TIAM1: variants seen among roughly 807,000 people sequenced by gnomAD.
TIAM1 encodes rho guanine nucleotide exchange factor TIAM1.
In TIAM1, 65 loss-of-function variants were observed where a neutral mutation model predicts 163.5. That is an observed-to-expected ratio of 0.40 (90% CI 0.33 to 0.49). TIAM1 has a LOEUF of 0.49. TIAM1 is among the 20% of genes least tolerant of loss of function. TIAM1 has a pLI of 0.77. For missense variants in TIAM1, 1,789 were observed against 2,044.7 expected (o/e 0.87, Z 2.41); for synonymous variants, 833 against 810.1 (o/e 1.03, Z -0.48).
At chr21:31,165,647 C>T (rs1021073651) in intron 15 of TIAM1, among the ~76,000 whole-genome samples, 2 of 151,910 alleles carry the variant, frequency 1.3e-5, no homozygotes, top group African/African-American at 4.8e-5. Context: ...TTTGTTACAA[C>T]AGCCTAAGTT....
intron 2 of TIAM1, among the ~76,000 whole-genome samples, chr21:31,329,946 C>A (rs1017202748): frequency 6.6e-6 from 1 of 152,178 alleles, no homozygotes; most frequent in South Asian, 2.1e-4. Context: ...TTCCCATATA[C>A]CTCCTGCCCC....
At chr21:31,483,405 C>T (rs2046177095) in intron 1 of TIAM1, among the ~76,000 whole-genome samples, 1 of 152,152 alleles carries the variant, frequency 6.6e-6, no homozygotes, top group African/African-American at 2.4e-5. Context: ...AGACAGCCAG[C>T]ACCAGGTTGA....
intron 1 of TIAM1, among the ~76,000 whole-genome samples, chr21:31,519,578 C>T (rs1327624975): frequency 6.8e-6 from 1 of 146,332 alleles, no homozygotes; most frequent in Non-Finnish European, 1.5e-5. Flanking sequence ...TCAGAGTAAA[C>T]ACCCAAAAGA....
In TIAM1 at chr21:31,154,265, C is replaced by G; in HGVS notation, c.3153G>C (p.Thr1051=). 6.2e-7 allele frequency: 1 copy of G among 1,613,916 alleles called. No homozygotes were observed. The highest frequency in any genetic ancestry group is 1.1e-5 in the South Asian group (1 of 91,072). Reference sequence around the variant, plus strand: ...AACATACCTTCACGTAGGTGCGCTCCGTCTCCAGGAGCTCGCAGATCACCT... The same window carrying G: ...AACATACCTTCACGTAGGTGCGCTCGGTCTCCAGGAGCTCGCAGATCACCT... The part of the protein sequence containing the change: ...LRKVICELLE[T]ERTYVKDLNC... The change falls in exon 17 of 28, where the codon ACG becomes ACC. Residue 1051 remains threonine, a synonymous_variant. Coordinates refer to ENST00000541036, the MANE Select transcript of TIAM1 (RefSeq NM_001353694.2).
intron 2 of TIAM1, among the ~76,000 whole-genome samples, chr21:31,333,882 A>C (rs1314873386): frequency 6.6e-6 from 1 of 152,254 alleles, no homozygotes; most frequent in African/African-American, 2.4e-5. Context: ...GAAAGAATGA[A>C]TAAATGAGCT....
intron 16 of TIAM1, 40 bp downstream of exon 16, chr21:31,164,922 G>C: frequency 6.3e-7 from 1 of 1,590,238 alleles, no homozygotes. Flanking sequence ...TGATTCTTCA[G>C]TGGTTCAAAG....
chr21:31,200,981 T>C (rs1415275371), intron 12 of TIAM1, among the ~76,000 whole-genome samples: 1 of 152,092 alleles, frequency 6.6e-6, no homozygotes, highest in Non-Finnish European at 1.5e-5. Context: ...CATACAAAAA[T>C]TGTAGATCCA....
At chr21:31,426,199 A>C (rs1359506784) in intron 2 of TIAM1, among the ~76,000 whole-genome samples, 2 of 152,026 alleles carry the variant, frequency 1.3e-5, no homozygotes, top group Non-Finnish European at 2.9e-5. Context: ...TGAGTCCCCA[A>C]AGTCCATTGT....
At chr21:31,368,401 T>C (rs2076534937) in intron 2 of TIAM1, among the ~76,000 whole-genome samples, 1 of 152,228 alleles carries the variant, frequency 6.6e-6, no homozygotes, top group South Asian at 2.1e-4. Flanking sequence ...GCTCAACAAA[T>C]TATTCATTTG....
chr21:31,223,883 C>G (rs1365282492), intron 7 of TIAM1, among the ~76,000 whole-genome samples: 1 of 152,138 alleles, frequency 6.6e-6, no homozygotes, highest in Non-Finnish European at 1.5e-5. Flanking sequence ...AAACTCTAGA[C>G]TCCAGAAGTA....
chr21:31,321,294 C>T (rs2075303900), intron 2 of TIAM1, among the ~76,000 whole-genome samples: 1 of 152,130 alleles, frequency 6.6e-6, no homozygotes, highest in Non-Finnish European at 1.5e-5. Context: ...TGAGGCCGGT[C>T]CACACTGCCT....
chr21:31,362,343 C>G (rs1336186516), intron 2 of TIAM1, among the ~76,000 whole-genome samples: 2 of 152,068 alleles, frequency 1.3e-5, no homozygotes, highest in Non-Finnish European at 2.9e-5. Context: ...AAGGGAAGAG[C>G]TGACTTATCC....
At chr21:31,313,263 C>T (rs1276856397) in intron 2 of TIAM1, among the ~76,000 whole-genome samples, 1 of 152,176 alleles carries the variant, frequency 6.6e-6, no homozygotes, top group Non-Finnish European at 1.5e-5. Flanking sequence ...TAAAAATCAA[C>T]ATGATACCTA....
rs376832874 is a variant in TIAM1, at chr21:31,130,194, A to G, written c.4045+19T>C. On this transcript the variant is annotated intron_variant, in intron 25 of 27. Transcript: ENST00000541036. ...TCAGAAATATGTGTGTGAAATACCC[A>G]GCACAGGTGAGAGTTTACCTGCACT... 17 of 1,606,574 alleles carry G rather than the reference A, an allele frequency of 1.1e-5. No individual in the cohort carries two copies. Among genetic ancestry groups the G allele is most frequent in the Non-Finnish European group, 1.4e-5 (17 of 1,173,466 alleles).
rs34895602 is a variant in TIAM1, at chr21:31,398,158, C to CAAA, written c.-368-58739_-368-58737dup. Among the ~76,000 whole-genome samples, 110 of 52,310 alleles carry CAAA rather than the reference C, an allele frequency of 2.1e-3. 2 individuals carry two copies. The highest frequency in any genetic ancestry group is 3.0e-3 in the Non-Finnish European group (78 of 25,758). The allele number at this position is 52,310 out of a possible 152,430, so 34.3% of individuals were successfully genotyped here. A position where few individuals can be genotyped will look rare whatever the true frequency, so the allele number is the denominator to read the frequency against. On this transcript the variant is annotated intron_variant, in intron 2 of 28. Transcript: ENST00000286827. ...TGCAAGCAAATGTCAATCTTCAGGGCAAAAAAAAAAAAAAAAAAAAAAGCT... is the reference window on the plus strand; with the variant it reads ...TGCAAGCAAATGTCAATCTTCAGGGCAAAAAAAAAAAAAAAAAAAAAAAAAGCT...
chr21:31,274,193 A>G (rs2073188648), intron 3 of TIAM1, among the ~76,000 whole-genome samples: 1 of 151,844 alleles, frequency 6.6e-6, no homozygotes, highest in African/African-American at 2.4e-5. Flanking sequence ...CCAGCCTGGG[A>G]AATAGTGCGA....
chr21:31,385,735 T>C (rs2076855644), intron 2 of TIAM1, among the ~76,000 whole-genome samples: 1 of 149,250 alleles, frequency 6.7e-6, no homozygotes, highest in Non-Finnish European at 1.5e-5. Context: ...AAAAAAAATG[T>C]ACCCTACACC....
chr21:31,300,383 T>C (rs983047548), intron 2 of TIAM1, among the ~76,000 whole-genome samples: 3 of 152,134 alleles, frequency 2.0e-5, no homozygotes, highest in South Asian at 2.1e-4. Context: ...ACTGGAATTT[T>C]TCAAAAAAAA....
At chr21:31,557,409 G>A (rs1215805388) in intron 1 of TIAM1, among the ~76,000 whole-genome samples, 1 of 152,154 alleles carries the variant, frequency 6.6e-6, no homozygotes, top group Admixed American at 6.6e-5. Context: ...TGTGCTTTGA[G>A]GTTAATCTAT....
Sources: gnomAD v4.1 joint callset for allele counts (sites outside exome capture counted in the v4.1 genomes callset) on GRCh38, gnomAD v4.1.1 for gene constraint, MANE v1.5 for transcripts, NCBI Gene and HGNC (gene_info 2026-07-23, HGNC 2026-07-21) for gene names.